The following METTL8 variants were observed in gnomAD, a reference collection of about 807,000 sequenced individuals.
METTL8 encodes methyltransferase 8, tRNA N3-cytidine.
Under a neutral mutation model 48.7 loss-of-function variants are expected in METTL8, and 32 were observed. The observed-to-expected ratio is 0.66, with a 90% CI of 0.50 to 0.88. The LOEUF (loss-of-function observed/expected upper bound fraction) is 0.88, where lower values mean the gene tolerates loss of function less well. Among genes scored for constraint, METTL8 ranks in the 40% least tolerant of loss-of-function variants. The pLI, the probability that METTL8 is intolerant of heterozygous loss-of-function variation, is 0.00. For missense variants in METTL8, 464 were observed against 474.4 expected (o/e 0.98, Z 0.20); for synonymous variants, 136 against 157.1 (o/e 0.87, Z 1.01).
chr2:171,339,542 C>T lies in METTL8; in HGVS notation c.248G>A (p.Arg83Lys). Residue 83 changes from arginine to lysine, a missense_variant, in exon 4 of 10, where the codon AGA (arginine) becomes AAA (lysine). Physicochemically the swap from Arg to Lys is conservative, Grantham distance 26. Coordinates refer to ENST00000375258, the MANE Select transcript of METTL8 (RefSeq NM_001321154.2). ...TGTGTCCCAGTATTTACTAGCTTCT[C>T]TCTCATACTTAACTAAAATAAAGAG... ...VLLEEQVKYE[R>K]EASKYWDTFY... is the part of the protein sequence containing the mutation. 6.6e-7 allele frequency: 1 copy of T among 1,513,846 alleles called. No individual in the cohort carries two copies. Among genetic ancestry groups the T allele is most frequent in the Non-Finnish European group, 9.0e-7 (1 of 1,108,198 alleles). The allele number at this position is 1,513,846 out of a possible 1,614,324, so 93.8% of individuals were successfully genotyped here.
chr2:171,402,171 T>C (rs1248716640), intron 1 of METTL8, among the ~76,000 whole-genome samples: 2 of 151,864 alleles, frequency 1.3e-5, no homozygotes, highest in East Asian at 3.9e-4. Flanking sequence ...GAGAGAAGGG[T>C]AAAAGCCAGG....
Position 171,360,419 on chromosome 2 carries a change from T to C in METTL8, c.235+3A>G. ...CTAGGAGCTACAGCACGCAGTTGAC[T>C]ACCTTGCTCTTCCAGAAGGACTCGC... On this transcript the variant is annotated splice_donor_region_variant and intron_variant, in intron 3 of 9. Transcript: ENST00000375258. 1 of 1,613,234 alleles carries C rather than the reference T, an allele frequency of 6.2e-7. No individual in the cohort carries two copies.
intron 7 of METTL8, 47 bp from the exon 8 acceptor site, chr2:171,326,195 G>GCATCC: frequency 9.8e-7 from 1 of 1,016,414 alleles, no homozygotes; most frequent in African/African-American, 1.7e-5. Context: ...TAGAAATCTT[G>GCATCC]TTTTATATGC....
intron 1 of METTL8, chr2:171,433,161 C>T (rs1232436570): frequency 6.6e-6 from 1 of 152,292 alleles, no homozygotes; most frequent in African/African-American, 2.4e-5. Context: ...ACAGGAAACA[C>T]AGACAAGGCC....
rs1397570499 is a variant in METTL8, at chr2:171,386,394, C to T, written c.143+5649G>A. ...GTCCAAAAAAGTATAATGTGAACTA[C>T]ATACGTAGTTTTAAAATTTCTAGTA... is the stretch of plus-strand genomic sequence containing the variant. On this transcript the variant is annotated intron_variant, in intron 2 of 9. Coordinates refer to ENST00000375258, the MANE Select transcript of METTL8 (RefSeq NM_001321154.2). Among the ~76,000 whole-genome samples the T allele has an allele frequency of 3.3e-5, 5 of 152,188 alleles. No homozygotes were observed. The South Asian group carries it at 1.0e-3, about 32-fold the overall frequency.
chr2:171,344,662 A>G (rs1379072429), intron 3 of METTL8, among the ~76,000 whole-genome samples: 1 of 152,210 alleles, frequency 6.6e-6, no homozygotes, highest in Non-Finnish European at 1.5e-5. Flanking sequence ...TAAATGCTCT[A>G]TGAGAATATA....
At chr2:171,415,349 CTTTT>C (rs762739077) in intron 1 of METTL8, among the ~76,000 whole-genome samples, 1 of 112,378 alleles carries the variant, frequency 8.9e-6, no homozygotes, top group South Asian at 2.9e-4. Context: ...ATCTCGAAAT[CTTTT>C]TTTTTTTTTT....
Position 171,325,403 on chromosome 2 carries a change from G to A in METTL8, c.1033+438C>T, listed in dbSNP as rs1684848389. ...AGAGTCTCATTTTGTTTTCTAGGCT[G>A]GTCTCAAATTCCTGGCTTCAAGCAA... is the stretch of plus-strand genomic sequence containing the variant. On this transcript the variant is annotated intron_variant, in intron 9 of 9. Coordinates refer to ENST00000375258, the MANE Select transcript of METTL8 (RefSeq NM_001321154.2). Among the ~76,000 whole-genome samples, 2 of 152,114 alleles carry A rather than the reference G, an allele frequency of 1.3e-5. 1 individual carries two copies. The highest frequency in any genetic ancestry group is 2.9e-5 in the Non-Finnish European group (2 of 68,026).
intron 1 of METTL8, among the ~76,000 whole-genome samples, chr2:171,401,841 T>TG (rs11454610): frequency 1 from 151,939 of 152,242 alleles, 75,818 homozygotes; most frequent in Middle Eastern, 1. Context: ...AGTCTATCTC[T>TG]GACTTCTTGC....
At chr2:171,367,120 T>C (rs1260423425) in intron 2 of METTL8, among the ~76,000 whole-genome samples, 3 of 151,472 alleles carry the variant, frequency 2.0e-5, no homozygotes, top group Admixed American at 6.6e-5. Flanking sequence ...TTAAAAATAA[T>C]AATAAAGAAA....
chr2:171,354,751 C>T (rs914577877), intron 3 of METTL8, among the ~76,000 whole-genome samples: 14 of 152,314 alleles, frequency 9.2e-5, no homozygotes, highest in African/African-American at 1.7e-4. Flanking sequence ...TTGATCAAAT[C>T]GGCTACTGAA....
At chr2:171,392,483 A>G (rs963805859) in intron 1 of METTL8, among the ~76,000 whole-genome samples, 3 of 152,204 alleles carry the variant, frequency 2.0e-5, no homozygotes, top group Non-Finnish European at 4.4e-5. Context: ...AATTTTTAGC[A>G]CATGATCAAA....
At position 171,321,801 on chromosome 2, in the gene METTL8, G is replaced by T. The variant is rs1684534252; in HGVS notation, c.*2371C>A. On this transcript the variant is annotated 3_prime_UTR_variant, in exon 10 of 10. Coordinates refer to ENST00000375258, the MANE Select transcript of METTL8 (RefSeq NM_001321154.2). ...TCCCTGAAGAGCATAAACAAGGCTGGGTCTTTATTGTTCATATTATTCCAC... is the reference window on the plus strand; with the variant it reads ...TCCCTGAAGAGCATAAACAAGGCTGTGTCTTTATTGTTCATATTATTCCAC... The T allele has an allele frequency of 6.6e-6, 1 of 151,824 alleles. No individual in the cohort carries two copies. 9.4% of individuals were successfully genotyped at this position (151,824 alleles called of 1,614,324 possible). A position where few individuals can be genotyped will look rare whatever the true frequency, so the allele number is the denominator to read the frequency against.
intron 1 of METTL8, among the ~76,000 whole-genome samples, chr2:171,407,881 G>T (rs890821753): frequency 2.6e-5 from 4 of 152,208 alleles, no homozygotes; most frequent in African/African-American, 9.6e-5. Flanking sequence ...ACTGTAAAAA[G>T]ATTCTGCAGT....
intron 2 of METTL8, among the ~76,000 whole-genome samples, chr2:171,368,460 C>T (rs1276843073): frequency 6.6e-6 from 1 of 152,086 alleles, no homozygotes; most frequent in Non-Finnish European, 1.5e-5. Flanking sequence ...TATGTGTTTG[C>T]AAAAATAAAT....
chr2:171,323,221 C>T lies in METTL8; in HGVS notation c.*951G>A, dbSNP rs1684620712. The T allele has an allele frequency of 7.4e-6, 1 of 134,584 alleles. No homozygotes were observed. Among genetic ancestry groups the T allele is most frequent in the Non-Finnish European group, 1.6e-5 (1 of 64,266 alleles). 8.3% of individuals were successfully genotyped at this position (134,584 alleles called of 1,614,324 possible). On this transcript the variant is annotated 3_prime_UTR_variant, in exon 10 of 10. Coordinates refer to ENST00000375258, the MANE Select transcript of METTL8 (RefSeq NM_001321154.2). ...CTTGATACAAGAGCTTGTCAGCTTA[C>T]ATACCTTTTTTTTTTTTTTTTTTTT...
intron 7 of METTL8, among the ~76,000 whole-genome samples, chr2:171,329,894 T>C (rs890796548): frequency 2.6e-5 from 4 of 152,348 alleles, no homozygotes; most frequent in Non-Finnish European, 2.9e-5. Context: ...CTTTAATACA[T>C]AGAAGATGGC....
intron 2 of METTL8, among the ~76,000 whole-genome samples, chr2:171,370,217 T>C (rs1039502972): frequency 5.3e-5 from 8 of 152,284 alleles, no homozygotes; most frequent in Admixed American, 5.2e-4. Context: ...ATCTTAAGTT[T>C]CTTTTCTTTC....
upstream of METTL8, chr2:171,434,528 G>C (rs1693649095): frequency 6.6e-7 from 1 of 1,522,926 alleles, no homozygotes; most frequent in African/African-American, 1.4e-5. Context: ...CGGGAGTGTG[G>C]GGCGCGCCAC....
Sources: allele counts gnomAD v4.1 joint callset (sites outside exome capture counted in the v4.1 genomes callset), GRCh38; gene constraint gnomAD v4.1.1; transcripts MANE v1.5; gene names NCBI Gene and HGNC (gene_info 2026-07-23, HGNC 2026-07-21).